Variants in PTPRO observed in about 807,000 individuals in gnomAD.
PTPRO encodes the protein protein tyrosine phosphatase receptor type O.
In PTPRO, 62 loss-of-function variants were observed where a neutral mutation model predicts 145.2. The ratio of observed to expected loss-of-function variants is 0.43; its 90% confidence interval spans 0.35 to 0.53. The LOEUF (loss-of-function observed/expected upper bound fraction) is 0.53, where lower values mean the gene tolerates loss of function less well. Ranked by LOEUF, PTPRO falls within the 20% of genes least tolerant of loss-of-function variation. The pLI is 0.01. For missense variants in PTPRO, 1,345 were observed against 1,482.7 expected (o/e 0.91, Z 1.53); for synonymous variants, 565 against 514.7 (o/e 1.10, Z -1.32).
Position 15,450,003 on chromosome 12 carries a change from T to C in PTPRO, c.76-33971T>C, listed in dbSNP as rs932212094. 2.6e-5 allele frequency among the ~76,000 whole-genome samples: 4 copies of C among 152,242 alleles called. No individual in the cohort carries two copies. The South Asian group carries it at 8.3e-4, about 32-fold the overall frequency. On this transcript the variant is annotated intron_variant, in intron 1 of 26. Transcript: ENST00000281171. Reference sequence around the variant, plus strand: ...AAGGATCACTTCCTGTGTGAAACATTATTTTATTTATCCAGCTAAATACAA... The same window carrying C: ...AAGGATCACTTCCTGTGTGAAACATCATTTTATTTATCCAGCTAAATACAA...
intron 24 of PTPRO, among the ~76,000 whole-genome samples, chr12:15,587,632 A>T (rs1420700271): frequency 6.6e-6 from 1 of 152,244 alleles, no homozygotes; most frequent in East Asian, 1.9e-4. Context: ...GATATAAAAA[A>T]ATCAAGGTCC....
intron 26 of PTPRO, 83 bp downstream of exon 26, chr12:15,595,140 T>A: frequency 1.2e-6 from 1 of 868,732 alleles, no homozygotes; most frequent in Non-Finnish European, 1.9e-6. Context: ...AAGACAGCAG[T>A]AGCCATTTGT....
intron 12 of PTPRO, among the ~76,000 whole-genome samples, chr12:15,538,908 C>T (rs1943121817): frequency 6.6e-6 from 1 of 152,188 alleles, no homozygotes; most frequent in Non-Finnish European, 1.5e-5. Flanking sequence ...AGCTTCCTAT[C>T]TATAAAATGA....
At chr12:15,369,373 G>A (rs1388513291) in intron 1 of PTPRO, among the ~76,000 whole-genome samples, 1 of 152,120 alleles carries the variant, frequency 6.6e-6, no homozygotes, top group Non-Finnish European at 1.5e-5. Context: ...TCTTACAGAT[G>A]CATCAACAAT....
At chr12:15,501,578 G>T in intron 4 of PTPRO, 42 bp from the exon 5 acceptor site, 2 of 1,542,884 alleles carry the variant, frequency 1.3e-6, no homozygotes, top group South Asian at 2.2e-5. Context: ...CACTCTAATT[G>T]AATTAAAAAA....
At chr12:15,489,757 T>G (rs1439619806) in intron 2 of PTPRO, among the ~76,000 whole-genome samples, 2 of 152,154 alleles carry the variant, frequency 1.3e-5, no homozygotes, top group African/African-American at 4.8e-5. Flanking sequence ...GGGGTTGCCC[T>G]GTTCAAATGC....
At chr12:15,349,649 C>T (rs1937725296) in intron 1 of PTPRO, among the ~76,000 whole-genome samples, 1 of 152,138 alleles carries the variant, frequency 6.6e-6, no homozygotes, top group South Asian at 2.1e-4. Flanking sequence ...CCAAAGTTTA[C>T]ACAAATGTGC....
chr12:15,447,659 G>T (rs1940934169), intron 1 of PTPRO, among the ~76,000 whole-genome samples: 1 of 152,162 alleles, frequency 6.6e-6, no homozygotes, highest in African/African-American at 2.4e-5. Flanking sequence ...TCTTGAATTT[G>T]CCACAATCCT....
intron 23 of PTPRO, among the ~76,000 whole-genome samples, chr12:15,584,743 A>AT (rs1186544716): frequency 2.0e-5 from 3 of 152,158 alleles, no homozygotes; most frequent in African/African-American, 7.2e-5. Context: ...AATTTGTTTC[A>AT]TTTTTTGTTT....
At chr12:15,490,275 C>A (rs1219308340) in intron 2 of PTPRO, among the ~76,000 whole-genome samples, 3 of 152,068 alleles carry the variant, frequency 2.0e-5, no homozygotes, top group East Asian at 3.9e-4. Context: ...TTCAAATCTA[C>A]AATTCATTCT....
intron 1 of PTPRO, among the ~76,000 whole-genome samples, chr12:15,441,944 T>C (rs1420267789): frequency 3.3e-5 from 5 of 152,134 alleles, no homozygotes; most frequent in Non-Finnish European, 5.9e-5. Context: ...CTGGTACCAA[T>C]TTTACTGCAC....
chr12:15,440,747 T>C (rs1178025849), intron 1 of PTPRO, among the ~76,000 whole-genome samples: 3 of 152,130 alleles, frequency 2.0e-5, no homozygotes, highest in Admixed American at 2.0e-4. Flanking sequence ...TGATAAAACA[T>C]ACTTTAAGCC....
intron 12 of PTPRO, among the ~76,000 whole-genome samples, chr12:15,532,711 A>G (rs140889964): frequency 3.3e-5 from 5 of 152,304 alleles, no homozygotes; most frequent in Admixed American, 2.6e-4. Context: ...AACTTTGCAT[A>G]ATCTTTCTAT....
At chr12:15,369,162 T>TA (rs905271070) in intron 1 of PTPRO, among the ~76,000 whole-genome samples, 8 of 151,758 alleles carry the variant, frequency 5.3e-5, no homozygotes, top group South Asian at 2.1e-4. Context: ...AACTAAAATT[T>TA]AAAAAAAACG....
At chr12:15,362,965 A>T (rs1321422680) in intron 1 of PTPRO, among the ~76,000 whole-genome samples, 1 of 152,204 alleles carries the variant, frequency 6.6e-6, no homozygotes, top group African/African-American at 2.4e-5. Context: ...ATTTTTAAAC[A>T]TTATATTTTT....
chr12:15,543,734 A>G (rs763936932), intron 12 of PTPRO, among the ~76,000 whole-genome samples: 2 of 152,230 alleles, frequency 1.3e-5, no homozygotes, highest in Non-Finnish European at 2.9e-5. Context: ...GAAATAATTA[A>G]AGGCAGTAGA....
chr12:15,539,761 C>CAAAAAA (rs56061735), intron 12 of PTPRO, among the ~76,000 whole-genome samples: 3 of 52,484 alleles, frequency 5.7e-5, no homozygotes, highest in East Asian at 7.5e-4. Flanking sequence ...GACTCTGTCT[C>CAAAAAA]AAAAAAAAAA....
intron 7 of PTPRO, among the ~76,000 whole-genome samples, chr12:15,514,621 A>T (rs1942537787): frequency 6.6e-6 from 1 of 151,496 alleles, no homozygotes; most frequent in Non-Finnish European, 1.5e-5. Context: ...AAAGGTCCCA[A>T]CACTAGGCTT....
At chr12:15,394,018 G>C (rs1565604625) in intron 1 of PTPRO, among the ~76,000 whole-genome samples, 1 of 152,036 alleles carries the variant, frequency 6.6e-6, no homozygotes, top group Non-Finnish European at 1.5e-5. Context: ...ACCAACTCCT[G>C]TGATAACCCA....
Sources: gnomAD v4.1 joint callset for allele counts (sites outside exome capture counted in the v4.1 genomes callset) on GRCh38, gnomAD v4.1.1 for gene constraint, MANE v1.5 for transcripts, NCBI Gene and HGNC (gene_info 2026-07-23, HGNC 2026-07-21) for gene names.